The following FLVCR2 variants were observed in gnomAD, a reference collection of about 807,000 sequenced individuals.
FLVCR2 encodes the protein choline/ethanolamine transporter FLVCR2.
In FLVCR2, 38 loss-of-function variants were observed where a neutral mutation model predicts 48.9. That is an observed-to-expected ratio of 0.78 (90% CI 0.60 to 1.02). The LOEUF is 1.02. Among genes scored for constraint, FLVCR2 ranks in the 50% least tolerant of loss-of-function variants. FLVCR2 has a pLI of 0.00. For synonymous variants in FLVCR2, 255 were observed against 257.0 expected (o/e 0.99, Z 0.07); for missense variants, 664 against 663.3 (o/e 1.00, Z -0.01).
At chr14:75,609,177 C>A (rs763684549) in intron 1 of FLVCR2, among the ~76,000 whole-genome samples, 5 of 152,066 alleles carry the variant, frequency 3.3e-5, no homozygotes, top group Non-Finnish European at 7.4e-5. Context: ...GCTGGGGATG[C>A]AGCAATGAAT....
chr14:75,584,771 A>G (rs929390264), intron 1 of FLVCR2, among the ~76,000 whole-genome samples: 1 of 152,214 alleles, frequency 6.6e-6, no homozygotes, highest in African/African-American at 2.4e-5. Context: ...AGAAGTCAGG[A>G]TGACATTTAA....
chr14:75,594,689 A>C (rs1888972661), intron 1 of FLVCR2, among the ~76,000 whole-genome samples: 1 of 151,772 alleles, frequency 6.6e-6, no homozygotes. Flanking sequence ...CCTCATAATA[A>C]TGAGTCCACT....
chr14:75,608,067 C>G (rs1444692358), intron 1 of FLVCR2, among the ~76,000 whole-genome samples: 1 of 152,086 alleles, frequency 6.6e-6, no homozygotes, highest in East Asian at 1.9e-4. Flanking sequence ...GAGTTCTCAT[C>G]TAAAAAATCA....
rs1890449814 is a variant in FLVCR2 at position 75,647,638 on chromosome 14, A to G, written c.*1166A>G. On this transcript the variant is annotated 3_prime_UTR_variant, in exon 10 of 10. Transcript: ENST00000238667. ...CTAAACTTAAAGGGATTCCCTTTAAACCAACTCAAGCTGATCTTTCCTATC... is the reference window on the plus strand; with the variant it reads ...CTAAACTTAAAGGGATTCCCTTTAAGCCAACTCAAGCTGATCTTTCCTATC... The G allele has an allele frequency of 6.6e-6, 1 of 152,664 alleles. No individual in the cohort carries two copies. Among genetic ancestry groups the G allele is most frequent in the Admixed American group, 6.5e-5 (1 of 15,288 alleles). 9.5% of individuals were successfully genotyped at this position (152,664 alleles called of 1,614,324 possible).
chr14:75,585,085 C>T (rs1282199278), intron 1 of FLVCR2, among the ~76,000 whole-genome samples: 1 of 151,524 alleles, frequency 6.6e-6, no homozygotes, highest in East Asian at 1.9e-4. Flanking sequence ...CTCAGCCTGG[C>T]GAGGAGCAGC....
rs973097074 is a variant in FLVCR2, at chr14:75,605,606, T to C, written c.670-16473T>C. 1.4e-5 allele frequency: 22 copies of C among 1,536,016 alleles called. No individual in the cohort carries two copies. In the Admixed American group the frequency reaches 2.6e-4, roughly 18 times the overall value. On this transcript the variant is annotated intron_variant, in intron 1 of 9. Transcript: ENST00000238667. ...ATAACAGCAGCACCATCTGTGTTTG[T>C]AGAAGCGTGAGACAGGAGGTGAGGA... is the stretch of plus-strand genomic sequence containing the variant.
rs1050076964 is a variant in FLVCR2, at chr14:75,624,551, A to C, written c.812-61A>C. 1.9e-6 allele frequency: 3 copies of C among 1,603,788 alleles called. No homozygotes were observed. In the African/African-American group the frequency reaches 4.0e-5, roughly 21 times the overall value. ...ATGGAGCAGCTTTCATTCATGTGGA[A>C]CCAGCTCTTCTGGGGTGGGACCATG... On this transcript the variant is annotated intron_variant, in intron 2 of 9. Coordinates refer to ENST00000238667, the MANE Select transcript of FLVCR2 (RefSeq NM_017791.3).
At chr14:75,604,869 C>T (rs1470081569) in intron 1 of FLVCR2, among the ~76,000 whole-genome samples, 1 of 152,134 alleles carries the variant, frequency 6.6e-6, no homozygotes, top group African/African-American at 2.4e-5. Context: ...TTGAGAGCTA[C>T]TTAAACTAAA....
Position 75,624,831 on chromosome 14 carries a change from T to C in FLVCR2, c.952+79T>C, listed in dbSNP as rs1889858659. The stretch of plus-strand genomic sequence containing the variant: ...GGCCTGATGTGTCTTCATATATTAC[T>C]CTTTCTAAATCCCAAATGTGCATGT... On this transcript the variant is annotated intron_variant, in intron 3 of 9. Transcript: ENST00000238667. 4 of 1,532,654 alleles carry C rather than the reference T, an allele frequency of 2.6e-6. No individual in the cohort carries two copies. The Admixed American group carries it at 5.0e-5, about 19-fold the overall frequency. 94.9% of individuals were successfully genotyped at this position (1,532,654 alleles called of 1,614,324 possible).
chr14:75,598,531 G>A (rs1889081018), intron 1 of FLVCR2, among the ~76,000 whole-genome samples: 1 of 152,148 alleles, frequency 6.6e-6, no homozygotes, highest in South Asian at 2.1e-4. Flanking sequence ...AGGCTGGAAT[G>A]CAGTGGCACA....
chr14:75,615,762 A>G (rs1889593106), intron 1 of FLVCR2, among the ~76,000 whole-genome samples: 1 of 151,798 alleles, frequency 6.6e-6, no homozygotes, highest in Non-Finnish European at 1.5e-5. Flanking sequence ...GCTCATGCCT[A>G]TAATCCCAGC....
intron 9 of FLVCR2, among the ~76,000 whole-genome samples, chr14:75,642,780 A>T (rs1890331885): frequency 6.6e-6 from 1 of 152,214 alleles, no homozygotes; most frequent in African/African-American, 2.4e-5. Context: ...GAATGTGTGT[A>T]TATAAATGCA....
intron 9 of FLVCR2, among the ~76,000 whole-genome samples, chr14:75,643,380 G>A (rs908000334): frequency 1.4e-4 from 21 of 152,202 alleles, no homozygotes; most frequent in African/African-American, 5.1e-4. Context: ...ACTTTGGTAT[G>A]TGTTGCTAAA....
intron 3 of FLVCR2, 48 bp from the exon 4 acceptor site, chr14:75,633,581 C>G: frequency 6.7e-7 from 1 of 1,482,438 alleles, no homozygotes; most frequent in Non-Finnish European, 9.4e-7. Context: ...AGCAATGGCC[C>G]CAGAAGAAAG....
chr14:75,613,652 G>A (rs1889523146), intron 1 of FLVCR2, among the ~76,000 whole-genome samples: 1 of 152,164 alleles, frequency 6.6e-6, no homozygotes, highest in Non-Finnish European at 1.5e-5. Flanking sequence ...CCGGGTTCAA[G>A]CGATTCTCCT....
chr14:75,578,987 T>C lies in FLVCR2; in HGVS notation c.15T>C (p.Gly5=). Residue 5 remains glycine, a synonymous_variant, in exon 1 of 10, where the codon GGT becomes GGC. Transcript: ENST00000238667. ...AGACTGTGGCGATGGTGAATGAAGGTCCCAACCAGGAAGAGAGCGATGACA... is the reference window on the plus strand; with the variant it reads ...AGACTGTGGCGATGGTGAATGAAGGCCCCAACCAGGAAGAGAGCGATGACA... MVNE[G]PNQEESDDTP... is the part of the protein sequence containing the mutation. The C allele has an allele frequency of 6.2e-7, 1 of 1,613,838 alleles. No individual in the cohort carries two copies. The highest frequency in any genetic ancestry group is 8.5e-7 in the Non-Finnish European group (1 of 1,179,920).
At chr14:75,592,676 G>C (rs1888914106) in intron 1 of FLVCR2, among the ~76,000 whole-genome samples, 1 of 152,112 alleles carries the variant, frequency 6.6e-6, no homozygotes, top group African/African-American at 2.4e-5. Context: ...TGTGTCTTGA[G>C]CATTTTGCTG....
chr14:75,634,266 G>A (rs1890110597), intron 4 of FLVCR2, among the ~76,000 whole-genome samples: 1 of 152,076 alleles, frequency 6.6e-6, no homozygotes, highest in African/African-American at 2.4e-5. Flanking sequence ...AAGTGTCCTA[G>A]TTTTGGAGTT....
intron 2 of FLVCR2, 150 bp from the exon 3 acceptor site, chr14:75,624,462 G>A (rs538612212): frequency 2.4e-6 from 2 of 846,274 alleles, no homozygotes; most frequent in South Asian, 2.8e-5. Flanking sequence ...TTCAAGAAGG[G>A]GGCTGTTAAG....
Sources: allele counts gnomAD v4.1 joint callset (sites outside exome capture counted in the v4.1 genomes callset), GRCh38; gene constraint gnomAD v4.1.1; transcripts MANE v1.5; gene names NCBI Gene and HGNC (gene_info 2026-07-23, HGNC 2026-07-21).